Variants in OTULINL observed in about 807,000 individuals in gnomAD.
The protein encoded by OTULINL is inactive ubiquitin thioesterase OTULINL.
OTULINL carries 42 observed loss-of-function variants against 43.9 expected under a neutral mutation model. The observed-to-expected ratio is 0.96, with a 90% CI of 0.75 to 1.24. The LOEUF is 1.24. Ranked by LOEUF, OTULINL falls within the 50% of genes most tolerant of loss-of-function variation. OTULINL has a pLI of 0.00. For synonymous variants in OTULINL, 172 were observed against 153.6 expected (o/e 1.12, Z -0.88); for missense variants, 411 against 426.4 (o/e 0.96, Z 0.32).
At position 14,615,688 on chromosome 5, in the gene OTULINL, A is replaced by G. The variant is rs1327699309; in HGVS notation, c.*5374A>G. On this transcript the variant is annotated 3_prime_UTR_variant, in exon 8 of 8. Coordinates refer to ENST00000274217, the MANE Select transcript of OTULINL (RefSeq NM_019018.3). ...GCCGTAGATAAACATTAAAAGGAAG[A>G]CTCAGCCCCAGAGTATATTTGATCT... 6.6e-6 allele frequency among the ~76,000 whole-genome samples: 1 copy of G among 152,166 alleles called. No individual in the cohort carries two copies. The highest frequency in any genetic ancestry group is 1.9e-4 in the East Asian group (1 of 5,196).
intron 4 of OTULINL, 62 bp downstream of exon 4, chr5:14,601,504 A>G: frequency 1.4e-6 from 2 of 1,409,054 alleles, no homozygotes; most frequent in Non-Finnish European, 2.0e-6. Flanking sequence ...CAGGAAACAA[A>G]CATTCCCTTC....
intron 1 of OTULINL, among the ~76,000 whole-genome samples, chr5:14,596,343 G>T (rs1411839121): frequency 6.6e-6 from 1 of 152,124 alleles, no homozygotes; most frequent in Non-Finnish European, 1.5e-5. Flanking sequence ...AATTCTCCTT[G>T]GCAGGCTGGT....
At chr5:14,586,210 A>G (rs1216926918) in intron 1 of OTULINL, among the ~76,000 whole-genome samples, 1 of 152,242 alleles carries the variant, frequency 6.6e-6, no homozygotes, top group Non-Finnish European at 1.5e-5. Flanking sequence ...TTGCATACAC[A>G]TTTATCTGAT....
chr5:14,583,791 A>G (rs964455373), intron 1 of OTULINL, among the ~76,000 whole-genome samples: 1 of 152,236 alleles, frequency 6.6e-6, no homozygotes, highest in Admixed American at 6.5e-5. Flanking sequence ...TTTTAAAATC[A>G]GTTGTCAAAG....
chr5:14,601,364 G>A lies in OTULINL; in HGVS notation c.270G>A (p.Val90=). The change falls in exon 4 of 8, where the codon GTG becomes GTA. Residue 90 remains valine (V), a synonymous_variant. Transcript: ENST00000274217. ...TATTTGGTCCAGGGAACCTCAGTGT[G>A]GAGGCAGAGGTTGATTTACTCAGTT... ...LQRKFKRNLS[V]EAEVDLLSYC... 6.2e-7 allele frequency: 1 copy of A among 1,614,002 alleles called. No individual in the cohort carries two copies. The highest frequency in any genetic ancestry group is 1.1e-5 in the South Asian group (1 of 91,066).
chr5:14,600,733 G>A (rs1455809671), intron 1 of OTULINL, among the ~76,000 whole-genome samples: 1 of 152,068 alleles, frequency 6.6e-6, no homozygotes, highest in Non-Finnish European at 1.5e-5. Context: ...TAATTTTGTG[G>A]AACAAAGATG....
chr5:14,608,761 A>G lies in OTULINL; in HGVS notation c.641A>G (p.Asn214Ser). Residue 214 changes from asparagine to serine, a missense_variant, in exon 7 of 8, where the codon AAT (asparagine) becomes AGT (serine). Asn to Ser is a conservative substitution (Grantham distance 46). Transcript: ENST00000274217. ...ATCTGTTTTTAGTGGACTGAATTTA[A>G]TGGCATTAGAGATTATCACAAGAGA... ...ELLKTQWTEF[N>S]GIRDYHKRGS... The G allele has an allele frequency of 1.9e-6, 3 of 1,601,770 alleles. No homozygotes were observed. The highest frequency in any genetic ancestry group is 2.2e-5 in the East Asian group (1 of 44,524).
At chr5:14,596,249 T>C (rs1759285698) in intron 1 of OTULINL, among the ~76,000 whole-genome samples, 1 of 152,188 alleles carries the variant, frequency 6.6e-6, no homozygotes, top group Non-Finnish European at 1.5e-5. Context: ...TCTCCCTTCC[T>C]GTTTCTCTGA....
rs564845438 is a variant in OTULINL at position 14,593,610 on chromosome 5, G to T, written c.65-7355G>T. 4.6e-5 allele frequency among the ~76,000 whole-genome samples: 7 copies of T among 152,294 alleles called. No homozygotes were observed. In the South Asian group the frequency reaches 1.4e-3, roughly 32 times the overall value. The stretch of plus-strand genomic sequence containing the variant: ...GTAGCCTATCCCATCTATAGCTTTT[G>T]TGGTTTTATAGTTGGGTGGATTTTT... On this transcript the variant is annotated intron_variant, in intron 1 of 7. Transcript: ENST00000274217.
rs1560958795 is a variant in OTULINL at position 14,586,713 on chromosome 5, TACCTC to T, written c.64+4757_64+4761del. ...GTCTTCTAACAGTGGGAGTGATAAATACCTCAGCTCTTTCTCCTCTTGCCATATTA... is the reference window on the plus strand; with the variant it reads ...GTCTTCTAACAGTGGGAGTGATAAATAGCTCTTTCTCCTCTTGCCATATTA... On this transcript the variant is annotated intron_variant, in intron 1 of 7. Transcript: ENST00000274217. 1.3e-5 allele frequency among the ~76,000 whole-genome samples: 2 copies of T among 152,152 alleles called. 1 individual carries two copies. Among genetic ancestry groups the T allele is most frequent in the African/African-American group, 4.8e-5 (2 of 41,416 alleles).
At position 14,612,600 on chromosome 5, in the gene OTULINL, T is replaced by C. The variant is rs965716829; in HGVS notation, c.*2286T>C. 2 of 152,216 alleles carry C rather than the reference T, an allele frequency of 1.3e-5. No homozygotes were observed. Among genetic ancestry groups the C allele is most frequent in the Admixed American group, 1.3e-4 (2 of 15,278 alleles). 9.4% of individuals were successfully genotyped at this position (152,216 alleles called of 1,614,324 possible). On this transcript the variant is annotated 3_prime_UTR_variant, in exon 8 of 8. Coordinates refer to ENST00000274217, the MANE Select transcript of OTULINL (RefSeq NM_019018.3). ...GTTGTGTTGTTTTGTTTGTTTTTAT[T>C]CAGTTGTATAATGAATATAACAAAT...
intron 1 of OTULINL, among the ~76,000 whole-genome samples, chr5:14,590,907 T>C (rs1759190337): frequency 6.6e-6 from 1 of 152,156 alleles, no homozygotes; most frequent in Non-Finnish European, 1.5e-5. Context: ...GGAAAGAGTT[T>C]TACATTGTAA....
At chr5:14,600,714 T>C (rs1404784505) in intron 1 of OTULINL, among the ~76,000 whole-genome samples, 1 of 152,192 alleles carries the variant, frequency 6.6e-6, no homozygotes, top group Non-Finnish European at 1.5e-5. Flanking sequence ...CCATACTCTT[T>C]ATTCTTCTTA....
chr5:14,595,412 G>C (rs1205225590), intron 1 of OTULINL, among the ~76,000 whole-genome samples: 1 of 152,196 alleles, frequency 6.6e-6, no homozygotes, highest in Admixed American at 6.5e-5. Context: ...TAGAGAGACT[G>C]TGATGTCCAG....
intron 1 of OTULINL, among the ~76,000 whole-genome samples, chr5:14,592,520 C>G (rs1472792902): frequency 6.6e-6 from 1 of 152,112 alleles, no homozygotes; most frequent in African/African-American, 2.4e-5. Flanking sequence ...ATCAGATGAC[C>G]AGATCCACAG....
At chr5:14,582,478 A>G (rs1272016551) in intron 1 of OTULINL, among the ~76,000 whole-genome samples, 1 of 151,478 alleles carries the variant, frequency 6.6e-6, no homozygotes. Flanking sequence ...CTAACAACAC[A>G]GAATACTCTG....
rs1759647484 is a variant in OTULINL at position 14,615,029 on chromosome 5, G to T, written c.*4715G>T. ...AGTATTTTCATCGTAGTCTAGATGG[G>T]CTGTAAAACCCATTTCCACACGAGT... is the stretch of plus-strand genomic sequence containing the variant. On this transcript the variant is annotated 3_prime_UTR_variant, in exon 8 of 8. Transcript: ENST00000274217. 2 of 321,176 alleles carry T rather than the reference G, an allele frequency of 6.2e-6. No homozygotes were observed. The highest frequency in any genetic ancestry group is 5.6e-6 in the Non-Finnish European group (1 of 177,938). The allele number at this position is 321,176 out of a possible 1,614,324, so 19.9% of individuals were successfully genotyped here. A position where few individuals can be genotyped will look rare whatever the true frequency, so the allele number is the denominator to read the frequency against.
intron 1 of OTULINL, among the ~76,000 whole-genome samples, chr5:14,582,936 C>G (rs1579912096): frequency 6.6e-6 from 1 of 151,936 alleles, no homozygotes; most frequent in African/African-American, 2.4e-5. Context: ...CCTCTCCTAA[C>G]CAGCCCCGAG....
At chr5:14,597,899 C>A (rs1759314139) in intron 1 of OTULINL, among the ~76,000 whole-genome samples, 1 of 151,790 alleles carries the variant, frequency 6.6e-6, no homozygotes, top group African/African-American at 2.4e-5. Flanking sequence ...GTTTTTTTTT[C>A]TGACGGGTTG....
Sources: allele counts gnomAD v4.1 joint callset (sites outside exome capture counted in the v4.1 genomes callset), GRCh38; gene constraint gnomAD v4.1.1; transcripts MANE v1.5; gene names NCBI Gene and HGNC (gene_info 2026-07-23, HGNC 2026-07-21).